Variants in ARNT observed in about 807,000 individuals in gnomAD.
ARNT encodes the protein aryl hydrocarbon receptor nuclear translocator.
ARNT carries 30 observed loss-of-function variants against 105.0 expected under a neutral mutation model. The ratio of observed to expected loss-of-function variants is 0.29; its 90% CI spans 0.21 to 0.39. The LOEUF (loss-of-function observed/expected upper bound fraction) is 0.39. ARNT is among the 10% of genes least tolerant of loss of function. The pLI, the probability that ARNT is intolerant of heterozygous loss-of-function variation, is 1.00. For missense variants in ARNT, 748 were observed against 978.7 expected, an observed-to-expected ratio of 0.76 and a Z score of 3.15; for synonymous variants, 304 against 344.0, an observed-to-expected ratio of 0.88 and a Z score of 1.29.
chr1:150,829,622 C>T (rs894377508), intron 11 of ARNT: 1 of 566,732 alleles, frequency 1.8e-6, no homozygotes, highest in Non-Finnish European at 3.2e-6. Context: ...GATCTTTCTT[C>T]TTTTGTATAG....
chr1:150,830,158 C>T (rs587667095), intron 10 of ARNT, 178 bp from the exon 11 acceptor site: 3 of 585,638 alleles, frequency 5.1e-6, no homozygotes, highest in Non-Finnish European at 8.8e-6. Context: ...CCAGCCTGGC[C>T]GACACAGTGA....
At chr1:150,842,565 G>T in intron 4 of ARNT, 97 bp from the exon 5 acceptor site, 1 of 916,872 alleles carries the variant, frequency 1.1e-6, no homozygotes, top group Non-Finnish European at 1.7e-6. Flanking sequence ...GGGAGGGAGA[G>T]GAAATGGAGG....
intron 1 of ARNT, among the ~76,000 whole-genome samples, chr1:150,871,995 C>T (rs587665774): frequency 6.8e-6 from 1 of 146,552 alleles, no homozygotes; most frequent in South Asian, 2.2e-4. Context: ...CTCACTCCAA[C>T]ACCCAGGCTG....
chr1:150,856,265 C>T (rs972919367), intron 2 of ARNT, among the ~76,000 whole-genome samples: 4 of 152,006 alleles, frequency 2.6e-5, no homozygotes, highest in East Asian at 1.9e-4. Flanking sequence ...CGGTGAAACC[C>T]CGTCTCTACT....
rs780629150 is a variant in ARNT, at chr1:150,858,382, G to A, written c.104C>T (p.Ala35Val). Residue 35 changes from alanine to valine, a missense_variant, in exon 2 of 22, where the codon GCC becomes GTC. Transcript: ENST00000358595. ...NSGPGIQGGG[A>V]IVQRAIKRRP... ...CCGCTTAATAGCCCTCTGGACAATGGCTCCTCCACCTTGAATTCCAGGTCC... is the reference window on the plus strand; with the variant it reads ...CCGCTTAATAGCCCTCTGGACAATGACTCCTCCACCTTGAATTCCAGGTCC... 14 of 1,609,048 alleles carry A rather than the reference G, an allele frequency of 8.7e-6. No homozygotes were observed. The highest frequency in any genetic ancestry group is 1.2e-5 in the Non-Finnish European group (14 of 1,177,636).
chr1:150,853,304 G>A, intron 2 of ARNT: 2 of 362,574 alleles, frequency 5.5e-6, no homozygotes, highest in Non-Finnish European at 1.1e-5. Flanking sequence ...TACAAAACTG[G>A]GCAATAGAAA....
At chr1:150,871,766 G>A (rs1260175860) in intron 1 of ARNT, among the ~76,000 whole-genome samples, 3 of 150,330 alleles carry the variant, frequency 2.0e-5, no homozygotes, top group East Asian at 2.0e-4. Context: ...AAAATTAGCC[G>A]GCGTGATGGC....
At position 150,811,157 on chromosome 1, in the gene ARNT, G is replaced by C; in HGVS notation, c.*864C>G. 1 of 233,614 alleles carries C rather than the reference G, an allele frequency of 4.3e-6. No homozygotes were observed. The highest frequency in any genetic ancestry group is 8.5e-6 in the Non-Finnish European group (1 of 117,920). The allele number at this position is 233,614 out of a possible 1,614,324, so 14.5% of individuals were successfully genotyped here. ...TTTGCAGATCTTCCAGATAAGGTGAGAGCACCAAAAGCAGCAGTAACCCAG... is the reference window on the plus strand; with the variant it reads ...TTTGCAGATCTTCCAGATAAGGTGACAGCACCAAAAGCAGCAGTAACCCAG... On this transcript the variant is annotated 3_prime_UTR_variant, in exon 22 of 22. Transcript: ENST00000358595.
intron 1 of ARNT, among the ~76,000 whole-genome samples, chr1:150,864,850 C>T (rs1385831149): frequency 7.4e-6 from 1 of 134,328 alleles, no homozygotes; most frequent in Non-Finnish European, 1.6e-5. Flanking sequence ...AAAAAAATTG[C>T]CCCTGAAGAA....
intron 1 of ARNT, among the ~76,000 whole-genome samples, chr1:150,860,940 G>A (rs923344950): frequency 1.3e-5 from 2 of 151,916 alleles, no homozygotes; most frequent in Non-Finnish European, 2.9e-5. Flanking sequence ...TTTTAAAATG[G>A]GCAAAGAACT....
chr1:150,857,076 T>C (rs868607261), intron 2 of ARNT, among the ~76,000 whole-genome samples: 1 of 152,356 alleles, frequency 6.6e-6, no homozygotes, highest in Admixed American at 6.5e-5. Flanking sequence ...TCACCCATAA[T>C]ACTATTACCC....
chr1:150,855,909 ATGTGTG>A (rs949482861), intron 2 of ARNT, among the ~76,000 whole-genome samples: 1 of 151,368 alleles, frequency 6.6e-6, no homozygotes, highest in African/African-American at 2.4e-5. Flanking sequence ...TGTCTCCGAA[ATGTGTG>A]TGTGTGTGTA....
At chr1:150,875,160 G>A (rs1162214257) in intron 1 of ARNT, among the ~76,000 whole-genome samples, 2 of 151,954 alleles carry the variant, frequency 1.3e-5, no homozygotes, top group Non-Finnish European at 2.9e-5. Flanking sequence ...ACAAGGTCAG[G>A]TTTGACATAA....
At chr1:150,813,799 C>T (rs891726500) in intron 20 of ARNT, among the ~76,000 whole-genome samples, 6 of 152,064 alleles carry the variant, frequency 3.9e-5, no homozygotes, top group South Asian at 4.1e-4. Context: ...CATGCGGTAC[C>T]ACACCCGGTA....
intron 4 of ARNT, 38 bp downstream of exon 4, chr1:150,846,225 T>G: frequency 1.9e-6 from 3 of 1,543,666 alleles, no homozygotes; most frequent in Non-Finnish European, 2.7e-6. Flanking sequence ...ACATGGATCA[T>G]ATTATATATT....
intron 1 of ARNT, among the ~76,000 whole-genome samples, chr1:150,874,342 T>C (rs1222357919): frequency 1.3e-5 from 2 of 152,216 alleles, no homozygotes; most frequent in African/African-American, 2.4e-5. Flanking sequence ...TCTGATTTGA[T>C]TGAACTGAAC....
intron 12 of ARNT, among the ~76,000 whole-genome samples, chr1:150,828,374 A>C (rs1658702230): frequency 6.9e-6 from 1 of 145,588 alleles, no homozygotes; most frequent in African/African-American, 2.5e-5. Flanking sequence ...TTGCATACAG[A>C]TATCCAATTG....
intron 2 of ARNT, among the ~76,000 whole-genome samples, chr1:150,856,972 T>A (rs587759219): frequency 6.7e-6 from 1 of 149,646 alleles, no homozygotes. Flanking sequence ...AAAAAGAAAA[T>A]TTTTAAAGAC....
At chr1:150,850,699 G>A (rs1382734203) in intron 3 of ARNT, among the ~76,000 whole-genome samples, 1 of 152,134 alleles carries the variant, frequency 6.6e-6, no homozygotes, top group Non-Finnish European at 1.5e-5. Flanking sequence ...CTGCCTGGCC[G>A]CCACCCCGTC....
Sources: gnomAD v4.1 joint callset for allele counts (sites outside exome capture counted in the v4.1 genomes callset) on GRCh38, gnomAD v4.1.1 for gene constraint, MANE v1.5 for transcripts, NCBI Gene and HGNC (gene_info 2026-07-23, HGNC 2026-07-21) for gene names.